The following WDR48 variants were observed in gnomAD, a reference collection of about 807,000 sequenced individuals.
The protein encoded by WDR48 is WD repeat domain 48, also known as WD repeat-containing protein 48.
Under a neutral mutation model 94.0 loss-of-function variants are expected in WDR48, and 22 were observed. The ratio of observed to expected loss-of-function variants is 0.23; its 90% CI spans 0.17 to 0.33. The LOEUF (loss-of-function observed/expected upper bound fraction) is 0.33. Ranked by LOEUF, WDR48 falls within the 10% of genes least tolerant of loss-of-function variation. The probability of loss-of-function intolerance (pLI) is 1.00; values close to 1 mark genes in which losing one functional copy is unlikely to be tolerated. For missense variants in WDR48, 541 were observed against 813.8 expected (o/e 0.66, Z 4.08); for synonymous variants, 278 against 280.5 (o/e 0.99, Z 0.09).
chr3:39,055,444 C>G (rs1298324234), intron 1 of WDR48, among the ~76,000 whole-genome samples: 1 of 152,168 alleles, frequency 6.6e-6, no homozygotes, highest in Non-Finnish European at 1.5e-5. Context: ...GAGATTGTAC[C>G]AGTGCACTCC....
intron 7 of WDR48, among the ~76,000 whole-genome samples, chr3:39,072,624 A>G (rs532812998): frequency 1.3e-5 from 2 of 152,278 alleles, no homozygotes; most frequent in African/African-American, 2.4e-5. Context: ...CTATTCCACT[A>G]AATCTGATTT....
At chr3:39,059,828 A>T (rs1010992471) in intron 1 of WDR48, among the ~76,000 whole-genome samples, 68 of 152,322 alleles carry the variant, frequency 4.5e-4, no homozygotes, top group African/African-American at 1.4e-3. Context: ...CAGTTATTTT[A>T]AAAAATTCTT....
chr3:39,087,055 C>G (rs951218387), intron 14 of WDR48, among the ~76,000 whole-genome samples: 1 of 152,094 alleles, frequency 6.6e-6, no homozygotes, highest in Non-Finnish European at 1.5e-5. Flanking sequence ...CCTTCAGGAG[C>G]TGATGTTCTG....
intron 16 of WDR48, chr3:39,091,224 G>C (rs1330371950): frequency 1.3e-5 from 2 of 157,852 alleles, no homozygotes; most frequent in Non-Finnish European, 2.8e-5. Flanking sequence ...CACCAGCACA[G>C]AATGTGTGGC....
chr3:39,057,124 T>C (rs2032940244), intron 1 of WDR48, among the ~76,000 whole-genome samples: 1 of 152,190 alleles, frequency 6.6e-6, no homozygotes, highest in Non-Finnish European at 1.5e-5. Context: ...ATATAGTACT[T>C]AGTAGATAGC....
intron 11 of WDR48, among the ~76,000 whole-genome samples, chr3:39,081,004 A>G (rs1333978313): frequency 6.6e-6 from 1 of 152,222 alleles, no homozygotes. Flanking sequence ...TTGTACTCCT[A>G]GAAGAACCTT....
chr3:39,065,822 T>C lies in WDR48; in HGVS notation c.201T>C (p.Tyr67=), dbSNP rs771886575. 1.3e-5 allele frequency: 21 copies of C among 1,603,578 alleles called. No homozygotes were observed. The highest frequency in any genetic ancestry group is 3.4e-5 in the Admixed American group (2 of 58,070). Residue 67 remains tyrosine, a synonymous_variant, in exon 3 of 19, where the codon TAT becomes TAC. Transcript: ENST00000302313. ...WSVNQHKQDP[Y]IASMEHHTDW... ...TCTTTTAATTTCAGCAAGATCCATATATAGCATCTATGGAACACCATACTG... is the reference window on the plus strand; with the variant it reads ...TCTTTTAATTTCAGCAAGATCCATACATAGCATCTATGGAACACCATACTG...
At position 39,073,925 on chromosome 3, in the gene WDR48, A is replaced by G. The variant is rs80085877; in HGVS notation, c.673-801A>G. ...GACAGAGGTGTAACCCAGGACTTCA[A>G]AAGGCTTGCTGGCCTAGTGCAGTGT... On this transcript the variant is annotated intron_variant, in intron 7 of 18. Transcript: ENST00000302313. Among the ~76,000 whole-genome samples the G allele has an allele frequency of 4.0e-3, 616 of 152,348 alleles. 3 individuals carry two copies. The highest frequency in any genetic ancestry group is 0.01 in the Middle Eastern group (3 of 294).
intron 2 of WDR48, among the ~76,000 whole-genome samples, 172 bp from the exon 3 acceptor site, chr3:39,065,639 A>T (rs896413603): frequency 6.6e-6 from 1 of 152,152 alleles, no homozygotes; most frequent in African/African-American, 2.4e-5. Flanking sequence ...AACTGTTTAC[A>T]TCTGTTATCT....
rs781644309 is a variant in WDR48 at position 39,074,808 on chromosome 3, A to G, written c.755A>G (p.Asp252Gly). ...QRCIATYRVHDEGVWALQVND... is the reference protein window; with the variant it reads ...QRCIATYRVHGEGVWALQVND... ...TGTATAGCAACATACCGAGTCCATG[A>G]TGAAGGTGTTTGGGCGCTGCAAGTC... The change falls in exon 8 of 19, where the codon GAT becomes GGT. Residue 252 changes from aspartate to glycine, a missense_variant. By Grantham distance (94) the Asp-to-Gly change is moderately conservative. This residue lies in a region of WDR48 where 104 missense variants were observed against 189.7 expected (regional missense o/e 0.55). Transcript: ENST00000302313. The G allele has an allele frequency of 6.2e-7, 1 of 1,614,188 alleles. No homozygotes were observed. The highest frequency in any genetic ancestry group is 1.1e-5 in the South Asian group (1 of 91,076).
chr3:39,053,665 C>T (rs1010777345), intron 1 of WDR48, among the ~76,000 whole-genome samples: 16 of 152,130 alleles, frequency 1.1e-4, no homozygotes, highest in Admixed American at 2.0e-4. Flanking sequence ...ACTTAAAACT[C>T]CTATTACTGC....
intron 17 of WDR48, among the ~76,000 whole-genome samples, chr3:39,092,867 ATC>A (rs1171706367): frequency 6.9e-6 from 1 of 145,042 alleles, no homozygotes; most frequent in African/African-American, 2.7e-5. Context: ...CCTCCCACCC[ATC>A]TCTGTCTACA....
At chr3:39,088,275 C>CGA in intron 15 of WDR48, 42 bp downstream of exon 15, 1 of 1,584,172 alleles carries the variant, frequency 6.3e-7, no homozygotes, top group Non-Finnish European at 8.7e-7. Flanking sequence ...GAGAAGGTAT[C>CGA]CCATTTGCTA....
At chr3:39,056,023 T>C (rs1404852394) in intron 1 of WDR48, among the ~76,000 whole-genome samples, 1 of 152,264 alleles carries the variant, frequency 6.6e-6, no homozygotes, top group Non-Finnish European at 1.5e-5. Context: ...TCTATTTTTC[T>C]ATAGCCAGAC....
chr3:39,053,090 A>T (rs1317159812), intron 1 of WDR48, among the ~76,000 whole-genome samples: 1 of 152,228 alleles, frequency 6.6e-6, no homozygotes. Flanking sequence ...GCCCTCTTAC[A>T]GGTGTTTGCC....
intron 1 of WDR48, among the ~76,000 whole-genome samples, chr3:39,061,255 C>G (rs1177766550): frequency 1.3e-5 from 2 of 151,158 alleles, no homozygotes; most frequent in Non-Finnish European, 2.9e-5. Flanking sequence ...CCCCAGCCCC[C>G]TACCCCCCAA....
At position 39,059,872 on chromosome 3, in the gene WDR48, G is replaced by A. The variant is rs182881240; in HGVS notation, c.49-3178G>A. On this transcript the variant is annotated intron_variant, in intron 1 of 18. Transcript: ENST00000302313. ...GGTAAAATAATCTCATATTAATTTT[G>A]TCTTTGATTATTTATGGGGTTTTTG... Among the ~76,000 whole-genome samples, 595 of 152,194 alleles carry A rather than the reference G, an allele frequency of 3.9e-3. 5 individuals are homozygous for A. Among genetic ancestry groups the A allele is most frequent in the Non-Finnish European group, 6.5e-3 (442 of 67,986 alleles).
chr3:39,064,988 C>G (rs1384611749), intron 2 of WDR48, among the ~76,000 whole-genome samples: 1 of 152,198 alleles, frequency 6.6e-6, no homozygotes, highest in African/African-American at 2.4e-5. Flanking sequence ...ATCTGGAAAT[C>G]TGCCTGTCTT....
At chr3:39,054,880 T>G (rs1161168462) in intron 1 of WDR48, among the ~76,000 whole-genome samples, 1 of 152,224 alleles carries the variant, frequency 6.6e-6, no homozygotes, top group Non-Finnish European at 1.5e-5. Context: ...AAAGGAAATA[T>G]GCATTTTAAA....
Sources: allele counts gnomAD v4.1 joint callset (sites outside exome capture counted in the v4.1 genomes callset), GRCh38; gene constraint gnomAD v4.1.1; regional missense constraint gnomAD v4.1.1; transcripts MANE v1.5; gene names NCBI Gene and HGNC (gene_info 2026-07-23, HGNC 2026-07-21).